Variants in SP110 observed in about 807,000 individuals in gnomAD.
SP110 encodes SP110 nuclear body protein.
In SP110, 62 loss-of-function variants were observed where a neutral mutation model predicts 92.7. That is an observed-to-expected ratio of 0.67 (90% CI 0.55 to 0.83). SP110 has a LOEUF of 0.83. SP110 is among the 40% of genes least tolerant of loss of function. The pLI, the probability that SP110 is intolerant of heterozygous loss-of-function variation, is 0.00. For missense variants in SP110, 793 were observed against 863.9 expected, an observed-to-expected ratio of 0.92 and a Z score of 1.03; for synonymous variants, 273 against 305.3, an observed-to-expected ratio of 0.89 and a Z score of 1.10.
chr2:230,172,604 C>T, intron 15 of SP110: 1 of 558,064 alleles, frequency 1.8e-6, no homozygotes, highest in Non-Finnish European at 3.2e-6. Flanking sequence ...CCGTCCCCTC[C>T]TCCTTTTGGA....
chr2:230,174,894 A>G (rs2041782734), intron 14 of SP110, among the ~76,000 whole-genome samples: 1 of 152,208 alleles, frequency 6.6e-6, no homozygotes, highest in Non-Finnish European at 1.5e-5. Flanking sequence ...GTAAACCTTC[A>G]TCTTATTCTC....
At position 230,168,954 on chromosome 2, in the gene SP110, G is replaced by C. The variant is rs199515884; in HGVS notation, c.*170C>G. The C allele has an allele frequency of 1.6e-6, 1 of 623,584 alleles. No individual in the cohort carries two copies. The highest frequency in any genetic ancestry group is 2.7e-5 in the East Asian group (1 of 36,400). The allele number at this position is 623,584 out of a possible 1,614,324, so 38.6% of individuals were successfully genotyped here. A position where few individuals can be genotyped will look rare whatever the true frequency, so the allele number is the denominator to read the frequency against. ...TTTAGTGTAGATATAGACTTTTAAA[G>C]GTAAAAAGAAAGAATAAAGATGGAG... On this transcript the variant is annotated 3_prime_UTR_variant, in exon 19 of 19. Transcript: ENST00000258381.
At chr2:230,175,295 T>C (rs1397417387) in intron 14 of SP110, among the ~76,000 whole-genome samples, 1 of 152,230 alleles carries the variant, frequency 6.6e-6, no homozygotes, top group Non-Finnish European at 1.5e-5. Flanking sequence ...TTTGGTGGCT[T>C]TCCATTGATT....
chr2:230,199,151 T>C (rs9288659), intron 10 of SP110, among the ~76,000 whole-genome samples: 2 of 112,852 alleles, frequency 1.8e-5, no homozygotes, highest in South Asian at 5.8e-4. Flanking sequence ...TATTATTATT[T>C]TTTTTTTTTT....
At chr2:230,222,578 A>G (rs116423262), upstream of SP110, among the ~76,000 whole-genome samples, 616 of 151,980 alleles carry the variant, frequency 4.1e-3, 1 homozygote, top group Non-Finnish European at 6.7e-3. Context: ...TTTTAAATTA[A>G]TTGGGCATGT....
chr2:230,202,926 A>G (rs947208985), intron 8 of SP110, 198 bp from the exon 9 acceptor site: 8 of 609,408 alleles, frequency 1.3e-5, no homozygotes, highest in Non-Finnish European at 2.3e-5. Context: ...TGCCTCCCCA[A>G]ATTACCATCT....
intron 10 of SP110, among the ~76,000 whole-genome samples, chr2:230,199,148 A>ATTTTTTTT (rs113583785): frequency 7.2e-6 from 1 of 139,114 alleles, no homozygotes; most frequent in African/African-American, 2.8e-5. Context: ...TATTATTATT[A>ATTTTTTTT]TTTTTTTTTT....
At chr2:230,222,069 AAC>A (rs1181695906), upstream of SP110, among the ~76,000 whole-genome samples, 2 of 152,178 alleles carry the variant, frequency 1.3e-5, no homozygotes, top group Non-Finnish European at 2.9e-5. Context: ...CTCTACTAAA[AAC>A]ACAAAAAAAT....
rs1325001909 is a variant in SP110, at chr2:230,171,728, G to T, written c.1855C>A (p.Gln619Lys). ...GGGATGCCCGTAAAAAAGGAGCTTT[G>T]TGGATGACAGTAGGCCTTCAAGAGG... ...FLLLKAYCHP[Q>K]SSFFTGIPFN... The change falls in exon 17 of 19, where the codon CAA becomes AAA. Residue 619 changes from glutamine (Q) to lysine (K), a missense_variant. By Grantham distance (53) the Gln-to-Lys change is moderately conservative. Coordinates refer to ENST00000258381, the MANE Select transcript of SP110 (RefSeq NM_080424.4). 6.2e-7 allele frequency: 1 copy of T among 1,613,670 alleles called. No homozygotes were observed. The highest frequency in any genetic ancestry group is 8.5e-7 in the Non-Finnish European group (1 of 1,179,656).
chr2:230,196,043 T>C (rs1049731225), intron 10 of SP110, among the ~76,000 whole-genome samples: 3 of 152,186 alleles, frequency 2.0e-5, no homozygotes, highest in African/African-American at 7.2e-5. Flanking sequence ...ATGTTAAGGA[T>C]ACCTAAACAT....
intron 10 of SP110, among the ~76,000 whole-genome samples, chr2:230,189,677 C>T (rs576208266): frequency 6.6e-6 from 1 of 152,162 alleles, no homozygotes; most frequent in South Asian, 2.1e-4. Flanking sequence ...GACCCATCCT[C>T]TAAGTTCCCT....
Position 230,165,580 on chromosome 2 carries a change from AG to A in SP110, c.*3543del, listed in dbSNP as rs2078299039. On this transcript the variant is annotated 3_prime_UTR_variant, in exon 19 of 19. Transcript: ENST00000258381. Reference sequence around the variant, plus strand: ...AATAGAATAAACATTATAGAGTAAAAGCAAAAAAATTAATACTAATTCATGT... The same window carrying A: ...AATAGAATAAACATTATAGAGTAAAACAAAAAAATTAATACTAATTCATGT... Among the ~76,000 whole-genome samples the A allele has an allele frequency of 1.3e-5, 2 of 152,322 alleles. No individual in the cohort carries two copies. The highest frequency in any genetic ancestry group is 1.3e-4 in the Admixed American group (2 of 15,302).
rs747528128 is a variant in SP110, at chr2:230,215,014, C to A, written c.252G>T (p.Leu84Phe). ...RTFNLSLLVT[L>F]FSQINLREYP... Reference sequence around the variant, plus strand: ...ATTCACGCAGGTTAATTTGACTGAACAATGTCACCAGAAGAGACAGGTTAA... The same window carrying A: ...ATTCACGCAGGTTAATTTGACTGAAAAATGTCACCAGAAGAGACAGGTTAA... Residue 84 changes from leucine (L) to phenylalanine (F), a missense_variant, in exon 3 of 19, where the codon TTG becomes TTT. Coordinates refer to ENST00000258381, the MANE Select transcript of SP110 (RefSeq NM_080424.4). 1.8e-5 allele frequency: 29 copies of A among 1,613,690 alleles called. No homozygotes were observed. The highest frequency in any genetic ancestry group is 2.4e-5 in the Non-Finnish European group (28 of 1,179,678).
intron 1 of SP110, chr2:230,225,494 A>T: frequency 2.7e-6 from 1 of 365,648 alleles, no homozygotes; most frequent in East Asian, 7.2e-5. Flanking sequence ...AGGGGTGGGG[A>T]CAAATACAGA....
At position 230,165,551 on chromosome 2, in the gene SP110, A is replaced by T. The variant is rs1217529371; in HGVS notation, c.*3573T>A. The stretch of plus-strand genomic sequence containing the variant: ...AACTAACAAATAATGACATAATATA[A>T]TTGAATAGAATAAACATTATAGAGT... On this transcript the variant is annotated 3_prime_UTR_variant, in exon 19 of 19. Transcript: ENST00000258381. Among the ~76,000 whole-genome samples the T allele has an allele frequency of 6.6e-6, 1 of 152,250 alleles. No homozygotes were observed. The highest frequency in any genetic ancestry group is 1.5e-5 in the Non-Finnish European group (1 of 68,042).
chr2:230,212,739 T>C, intron 4 of SP110, 22 bp downstream of exon 4: 1 of 1,613,420 alleles, frequency 6.2e-7, no homozygotes, highest in Non-Finnish European at 8.5e-7. Flanking sequence ...TATACAGGTG[T>C]TGGATGGGAT....
chr2:230,215,092 C>A lies in SP110; in HGVS notation c.174G>T (p.Leu58Phe). The A allele has an allele frequency of 6.2e-7, 1 of 1,613,878 alleles. No individual in the cohort carries two copies. The highest frequency in any genetic ancestry group is 1.1e-5 in the South Asian group (1 of 91,064). ...TGTGCACCACTCTGGATACAGGGATCAAATTTCTACAGGCTTCCAGAGATT... is the reference window on the plus strand; with the variant it reads ...TGTGCACCACTCTGGATACAGGGATAAAATTTCTACAGGCTTCCAGAGATT... Reference protein sequence around the residue: ...YMESLEACRNLIPVSRVVHNI... With the variant: ...YMESLEACRNFIPVSRVVHNI... Residue 58 changes from leucine to phenylalanine, a missense_variant, in exon 3 of 19, where the codon TTG becomes TTT. By Grantham distance (22) the Leu-to-Phe change is conservative (BLOSUM62 0). Transcript: ENST00000258381.
At chr2:230,179,336 GT>G (rs1460915318) in intron 12 of SP110, among the ~76,000 whole-genome samples, 9 of 150,720 alleles carry the variant, frequency 6.0e-5, no homozygotes, top group Admixed American at 2.0e-4. Flanking sequence ...GTGGAGGGTA[GT>G]GGGGGTGTGG....
At chr2:230,172,765 T>G (rs12995739) in intron 15 of SP110, 79 bp downstream of exon 15, 103,124 of 946,680 alleles carry the variant, frequency 0.11, 6,226 homozygotes, top group Non-Finnish European at 0.12. Context: ...CACACCCTCG[T>G]CCCCGACGCT....
Sources: allele counts gnomAD v4.1 joint callset (sites outside exome capture counted in the v4.1 genomes callset), GRCh38; gene constraint gnomAD v4.1.1; transcripts MANE v1.5; gene names NCBI Gene and HGNC (gene_info 2026-07-23, HGNC 2026-07-21).